Variants in SP140L observed in about 807,000 individuals in gnomAD.
The protein encoded by SP140L is nuclear body protein SP140-like protein.
SP140L carries 64 observed loss-of-function variants against 84.3 expected under a neutral mutation model. That is an observed-to-expected ratio of 0.76 (90% CI 0.62 to 0.94). The LOEUF is 0.94. SP140L is among the 40% of genes least tolerant of loss of function. The pLI, the probability that SP140L is intolerant of heterozygous loss-of-function variation, is 0.00. For synonymous variants in SP140L, 242 were observed against 236.9 expected, an observed-to-expected ratio of 1.02 and a Z score of -0.20; for missense variants, 628 against 692.5, an observed-to-expected ratio of 0.91 and a Z score of 1.05.
At chr2:230,347,279 A>G (rs948043255) in intron 2 of SP140L, among the ~76,000 whole-genome samples, 4 of 152,182 alleles carry the variant, frequency 2.6e-5, no homozygotes, top group Admixed American at 2.6e-4. Context: ...CAGTGGGACC[A>G]CAGGTTAGGC....
At chr2:230,335,932 C>T (rs11890934) in intron 2 of SP140L, among the ~76,000 whole-genome samples, 6 of 152,010 alleles carry the variant, frequency 3.9e-5, no homozygotes, top group Non-Finnish European at 8.8e-5. Flanking sequence ...TTTATTGCAG[C>T]GTGAAAGCAA....
chr2:230,332,926 G>A (rs900808428), intron 2 of SP140L, among the ~76,000 whole-genome samples: 2 of 152,072 alleles, frequency 1.3e-5, no homozygotes, highest in Non-Finnish European at 2.9e-5. Flanking sequence ...TGGATTACAT[G>A]TATCTTCTTT....
At chr2:230,385,142 C>T in intron 8 of SP140L, 82 bp from the exon 9 acceptor site, 1 of 1,367,394 alleles carries the variant, frequency 7.3e-7, no homozygotes, top group Non-Finnish European at 1.0e-6. Flanking sequence ...AAACCCAGGA[C>T]TCCCTCACTT....
chr2:230,355,351 A>G (rs1238074719), intron 2 of SP140L, among the ~76,000 whole-genome samples: 2 of 152,206 alleles, frequency 1.3e-5, no homozygotes, highest in African/African-American at 4.8e-5. Context: ...AAGTAGCACC[A>G]GAGAGAATAA....
intron 8 of SP140L, among the ~76,000 whole-genome samples, chr2:230,383,801 G>A (rs557587473): frequency 2.0e-5 from 3 of 152,266 alleles, no homozygotes; most frequent in East Asian, 1.9e-4. Flanking sequence ...TAATAGGGAG[G>A]TCTTATCATC....
chr2:230,334,692 A>C (rs2059817903), intron 2 of SP140L, among the ~76,000 whole-genome samples: 1 of 151,346 alleles, frequency 6.6e-6, no homozygotes, highest in Non-Finnish European at 1.5e-5. Flanking sequence ...TTATGAAATA[A>C]TTGAGGGTGA....
intron 11 of SP140L, among the ~76,000 whole-genome samples, chr2:230,391,192 A>C (rs1364502148): frequency 6.6e-6 from 1 of 152,240 alleles, no homozygotes; most frequent in Non-Finnish European, 1.5e-5. Flanking sequence ...TTTATGTAAC[A>C]AATTTGGTGT....
chr2:230,328,885 G>T, intron 2 of SP140L, 54 bp downstream of exon 2: 1 of 1,566,284 alleles, frequency 6.4e-7, no homozygotes, highest in East Asian at 2.3e-5. Context: ...AATGTGGAAA[G>T]CTGAACAGCT....
chr2:230,327,467 A>G lies in SP140L; in HGVS notation c.32+166A>G, dbSNP rs1393531650. Among the ~76,000 whole-genome samples, 13 of 152,182 alleles carry G rather than the reference A, an allele frequency of 8.5e-5. No homozygotes were observed. In the East Asian group the frequency reaches 2.5e-3, roughly 29 times the overall value. The stretch of plus-strand genomic sequence containing the variant: ...AAAGAGAATGTAATAAGGAAATCAG[A>G]TTTTTACAACTGCAGCAGGACAGCT... On this transcript the variant is annotated intron_variant, in intron 1 of 18. Coordinates refer to ENST00000415673, the MANE Select transcript of SP140L (RefSeq NM_138402.6).
At chr2:230,366,078 A>G (rs1365914815) in intron 5 of SP140L, among the ~76,000 whole-genome samples, 2 of 152,282 alleles carry the variant, frequency 1.3e-5, no homozygotes, top group South Asian at 2.1e-4. Context: ...AGTGAGAAGA[A>G]TGTATATTTC....
At chr2:230,366,016 T>G (rs2060858851) in intron 5 of SP140L, among the ~76,000 whole-genome samples, 1 of 152,192 alleles carries the variant, frequency 6.6e-6, no homozygotes. Flanking sequence ...CCTTCGTGAC[T>G]TTAAGTTTGT....
intron 2 of SP140L, among the ~76,000 whole-genome samples, chr2:230,340,392 C>T (rs1164420471): frequency 2.0e-5 from 3 of 148,302 alleles, no homozygotes; most frequent in East Asian, 2.0e-4. Context: ...TGTCTCTGCA[C>T]GTGAGATGCG....
chr2:230,392,039 G>A lies in SP140L; in HGVS notation c.965-48G>A, dbSNP rs761272106. The A allele has an allele frequency of 3.1e-6, 5 of 1,610,470 alleles. No individual in the cohort carries two copies. The East Asian group carries it at 1.1e-4, about 36-fold the overall frequency. On this transcript the variant is annotated intron_variant, in intron 11 of 18. Transcript: ENST00000415673. ...AATGTGGTGAGTGGCCACAGTCTGA[G>A]CGCTGGGAACAAAGAGGGCTCAGGA...
At chr2:230,395,182 C>T (rs1223489819) in intron 13 of SP140L, among the ~76,000 whole-genome samples, 2 of 152,136 alleles carry the variant, frequency 1.3e-5, no homozygotes, top group African/African-American at 2.4e-5. Flanking sequence ...GTTGGACAGG[C>T]TGGTCTTGAA....
chr2:230,402,034 C>G (rs557530594), intron 18 of SP140L, among the ~76,000 whole-genome samples: 137 of 152,344 alleles, frequency 9.0e-4, no homozygotes, highest in Non-Finnish European at 2.1e-4. Flanking sequence ...AGCTCCTCCC[C>G]CACCTGCCCC....
intron 15 of SP140L, chr2:230,400,741 T>C: frequency 8.8e-7 from 1 of 1,142,326 alleles, no homozygotes; most frequent in South Asian, 1.5e-5. Context: ...TGACACCACC[T>C]TCCTGAGGCT....
At chr2:230,387,941 T>C (rs1023141125) in intron 9 of SP140L, among the ~76,000 whole-genome samples, 4 of 152,174 alleles carry the variant, frequency 2.6e-5, no homozygotes, top group African/African-American at 9.7e-5. Context: ...TTACTATTAC[T>C]TTCAGCACAA....
At chr2:230,344,501 G>A (rs750926769) in intron 2 of SP140L, among the ~76,000 whole-genome samples, 5 of 152,138 alleles carry the variant, frequency 3.3e-5, no homozygotes, top group Non-Finnish European at 7.4e-5. Flanking sequence ...TTTAACTGGG[G>A]CATTTAGCCC....
chr2:230,376,915 T>C (rs1176958625), intron 7 of SP140L, among the ~76,000 whole-genome samples: 2 of 152,140 alleles, frequency 1.3e-5, no homozygotes, highest in East Asian at 3.8e-4. Flanking sequence ...AACTCATGAA[T>C]GTATGTTCAA....
Sources: allele counts gnomAD v4.1 joint callset (sites outside exome capture counted in the v4.1 genomes callset), GRCh38; gene constraint gnomAD v4.1.1; transcripts MANE v1.5; gene names NCBI Gene and HGNC (gene_info 2026-07-23, HGNC 2026-07-21).